Variants in COL26A1 observed in about 807,000 individuals in gnomAD.
COL26A1 encodes the protein collagen alpha-1(XXVI) chain.
COL26A1 carries 41 observed loss-of-function variants against 59.3 expected under a neutral mutation model. That is an observed-to-expected ratio of 0.69 (90% CI 0.54 to 0.90). The LOEUF (loss-of-function observed/expected upper bound fraction) is 0.90, where lower values mean the gene tolerates loss of function less well. Among genes scored for constraint, COL26A1 ranks in the 40% least tolerant of loss-of-function variants. COL26A1 has a pLI of 0.00. For missense variants in COL26A1, 612 were observed against 602.3 expected (o/e 1.02, Z -0.17); for synonymous variants, 266 against 256.0 (o/e 1.04, Z -0.37).
chr7:101,470,019 T>C (rs780848123), intron 3 of COL26A1, among the ~76,000 whole-genome samples: 2 of 151,790 alleles, frequency 1.3e-5, no homozygotes, highest in South Asian at 4.2e-4. Flanking sequence ...TGATGGTCAG[T>C]GCAGAAGTTG....
intron 8 of COL26A1, among the ~76,000 whole-genome samples, chr7:101,548,485 G>A (rs1041289881): frequency 2.6e-5 from 4 of 152,198 alleles, no homozygotes; most frequent in African/African-American, 9.7e-5. Context: ...GTTTACATAA[G>A]GGATTTGCCT....
chr7:101,405,246 A>C (rs1792102072), intron 1 of COL26A1, among the ~76,000 whole-genome samples: 1 of 150,768 alleles, frequency 6.6e-6, no homozygotes, highest in South Asian at 2.1e-4. Context: ...AAAAAATTAT[A>C]CTTTATAATG....
At chr7:101,375,105 T>C (rs1562952983) in intron 1 of COL26A1, among the ~76,000 whole-genome samples, 1 of 151,828 alleles carries the variant, frequency 6.6e-6, no homozygotes, top group African/African-American at 2.4e-5. Context: ...AGGAAGGCTG[T>C]GAAGAGTAGG....
chr7:101,475,383 C>T lies in COL26A1; in HGVS notation c.385+27596C>T, dbSNP rs779039587. On this transcript the variant is annotated intron_variant, in intron 3 of 12. Coordinates refer to ENST00000313669, the MANE Select transcript of COL26A1 (RefSeq NM_001278563.3). ...AAAGTCAGAGAATTCTTTTATGACC[C>T]GTGTCAGGGGAAAAGTGTGGGGGAA... Among the ~76,000 whole-genome samples the T allele has an allele frequency of 2.0e-5, 3 of 151,732 alleles. No individual in the cohort carries two copies. In the South Asian group the frequency reaches 6.2e-4, roughly 31 times the overall value.
At chr7:101,492,789 G>A (rs1054368143) in intron 3 of COL26A1, among the ~76,000 whole-genome samples, 1 of 151,924 alleles carries the variant, frequency 6.6e-6, no homozygotes, top group African/African-American at 2.4e-5. Flanking sequence ...GCCCAGGCTG[G>A]AGTGCAGTGG....
At chr7:101,472,939 C>T (rs965765791) in intron 3 of COL26A1, among the ~76,000 whole-genome samples, 5 of 152,208 alleles carry the variant, frequency 3.3e-5, no homozygotes, top group African/African-American at 1.2e-4. Context: ...CTGAGCCTTG[C>T]TGTGCCTTTG....
intron 3 of COL26A1, among the ~76,000 whole-genome samples, chr7:101,530,366 C>T (rs1161697986): frequency 6.6e-6 from 1 of 151,700 alleles, no homozygotes; most frequent in African/African-American, 2.4e-5. Context: ...GTCAGAAGTT[C>T]GAGACCAGCC....
rs530597386 is a variant in COL26A1 at position 101,452,270 on chromosome 7, C to T, written c.385+4483C>T. 1.4e-4 allele frequency among the ~76,000 whole-genome samples: 21 copies of T among 152,232 alleles called. No homozygotes were observed. In the South Asian group the frequency reaches 3.3e-3, roughly 24 times the overall value. On this transcript the variant is annotated intron_variant, in intron 3 of 12. Coordinates refer to ENST00000313669, the MANE Select transcript of COL26A1 (RefSeq NM_001278563.3). Reference sequence around the variant, plus strand: ...AGCCCATGGCAGCAGGTGGCAGGACCGTGGGAGGACAGTCCCTGCTGACTG... The same window carrying T: ...AGCCCATGGCAGCAGGTGGCAGGACTGTGGGAGGACAGTCCCTGCTGACTG...
chr7:101,459,079 G>A (rs1052088560), intron 3 of COL26A1, among the ~76,000 whole-genome samples: 1 of 151,652 alleles, frequency 6.6e-6, no homozygotes, highest in Non-Finnish European at 1.5e-5. Context: ...CTTCCGAAGT[G>A]CTGGGATTAC....
chr7:101,490,983 CAAAA>C (rs3073351), intron 3 of COL26A1, among the ~76,000 whole-genome samples: 1 of 109,064 alleles, frequency 9.2e-6, no homozygotes. Context: ...GGCTCTGTCT[CAAAA>C]AAAAAAAAAA....
At chr7:101,537,707 G>C (rs1324162288) in intron 4 of COL26A1, among the ~76,000 whole-genome samples, 2 of 152,156 alleles carry the variant, frequency 1.3e-5, no homozygotes, top group Admixed American at 6.5e-5. Context: ...GGAAGCCAGA[G>C]CTTTGCCCAG....
intron 2 of COL26A1, among the ~76,000 whole-genome samples, chr7:101,427,847 C>T (rs1330964752): frequency 6.6e-6 from 1 of 151,916 alleles, no homozygotes; most frequent in Non-Finnish European, 1.5e-5. Context: ...TTCTGGTTCC[C>T]TTCATTCTTT....
Position 101,495,403 on chromosome 7 carries a change from C to G in COL26A1, c.386-37679C>G, listed in dbSNP as rs1376776288. Among the ~76,000 whole-genome samples the G allele has an allele frequency of 3.4e-5, 5 of 147,378 alleles. No homozygotes were observed. In the East Asian group the frequency reaches 9.8e-4, roughly 29 times the overall value. On this transcript the variant is annotated intron_variant, in intron 3 of 12. Coordinates refer to ENST00000313669, the MANE Select transcript of COL26A1 (RefSeq NM_001278563.3). ...ACAGGCAGGGGCTACGTATGGGCAGCCTGGGGAATTTTTTTTTTTTTTTAA... is the reference window on the plus strand; with the variant it reads ...ACAGGCAGGGGCTACGTATGGGCAGGCTGGGGAATTTTTTTTTTTTTTTAA...
chr7:101,488,280 C>CAA lies in COL26A1; in HGVS notation c.385+40503_385+40504dup, dbSNP rs1350708459. 6.9e-5 allele frequency among the ~76,000 whole-genome samples: 8 copies of CAA among 116,292 alleles called. No homozygotes were observed. In the South Asian group the frequency reaches 8.2e-4, roughly 12 times the overall value. The allele number at this position is 116,292 out of a possible 152,430, so 76.3% of individuals were successfully genotyped here. On this transcript the variant is annotated intron_variant, in intron 3 of 12. Transcript: ENST00000313669. Reference sequence around the variant, plus strand: ...TTGGTGACAGAGTGAGACTCTGTCTCAAAAAAAAAAAGTAATTAAATATAC... The same window carrying CAA: ...TTGGTGACAGAGTGAGACTCTGTCTCAAAAAAAAAAAAAGTAATTAAATATAC...
chr7:101,550,979 G>A lies in COL26A1; in HGVS notation c.994-129G>A, dbSNP rs1040412909. 2.4e-5 allele frequency: 25 copies of A among 1,055,068 alleles called. No homozygotes were observed. In the Middle Eastern group the frequency reaches 1.5e-3, roughly 62 times the overall value. 65.4% of individuals were successfully genotyped at this position (1,055,068 alleles called of 1,614,324 possible). A position where few individuals can be genotyped will look rare whatever the true frequency, so the allele number is the denominator to read the frequency against. ...TGAGTCTGCCCTTCCCGTGCCGGCC[G>A]GGCCATCCTCCTCTCCCTTCCTCTT... On this transcript the variant is annotated intron_variant, in intron 9 of 12. Coordinates refer to ENST00000313669, the MANE Select transcript of COL26A1 (RefSeq NM_001278563.3).
intron 2 of COL26A1, among the ~76,000 whole-genome samples, chr7:101,429,939 T>C (rs1792741677): frequency 6.6e-6 from 1 of 152,142 alleles, no homozygotes; most frequent in Admixed American, 6.6e-5. Context: ...TGTCTTTTCA[T>C]ATAAATTTCA....
chr7:101,383,736 T>C (rs1192332929), intron 1 of COL26A1, among the ~76,000 whole-genome samples: 2 of 152,210 alleles, frequency 1.3e-5, no homozygotes, highest in South Asian at 2.1e-4. Flanking sequence ...GGTTTCGCCA[T>C]GTTGGCCAGG....
chr7:101,384,230 G>GT (rs35085221), intron 1 of COL26A1, among the ~76,000 whole-genome samples: 12,724 of 105,540 alleles, frequency 0.12, 837 homozygotes, highest in Non-Finnish European at 0.15. Context: ...GTTCAGGCTG[G>GT]TTTTTTTTTT....
In COL26A1 at chr7:101,420,052, C is replaced by G. The variant is rs376211020; in HGVS notation, c.234C>G (p.Arg78=). 19 of 1,612,926 alleles carry G rather than the reference C, an allele frequency of 1.2e-5. No individual in the cohort carries two copies. Among genetic ancestry groups the G allele is most frequent in the Non-Finnish European group, 1.6e-5 (19 of 1,179,810 alleles). ...VQNGSETVVQ[R]VYQSCRWPGP... ...ATGGCTCGGAGACGGTGGTCCAGCG[C>G]GTGTACCAGAGCTGCCGGTGGCCGG... The change falls in exon 2 of 13, where the codon CGC becomes CGG. Residue 78 remains arginine (R), a synonymous_variant. Coordinates refer to ENST00000313669, the MANE Select transcript of COL26A1 (RefSeq NM_001278563.3).
Sources: allele counts gnomAD v4.1 joint callset (sites outside exome capture counted in the v4.1 genomes callset), GRCh38; gene constraint gnomAD v4.1.1; transcripts MANE v1.5; gene names NCBI Gene and HGNC (gene_info 2026-07-23, HGNC 2026-07-21).